PCDHGA2: variants seen among roughly 807,000 people sequenced by gnomAD.
The protein encoded by PCDHGA2 is protocadherin gamma subfamily A, 2, also known as protocadherin gamma-A2.
In PCDHGA2, 40 loss-of-function variants were observed where a neutral mutation model predicts 59.2. That is an observed-to-expected ratio of 0.68 (90% CI 0.52 to 0.88). PCDHGA2 has a LOEUF of 0.88. Ranked by LOEUF, PCDHGA2 falls within the 40% of genes least tolerant of loss-of-function variation. The pLI is 0.00. For synonymous variants in PCDHGA2, 560 were observed against 526.0 expected, an observed-to-expected ratio of 1.06 and a Z score of -0.89; for missense variants, 1,226 against 1,204.0, an observed-to-expected ratio of 1.02 and a Z score of -0.27.
intron 1 of PCDHGA2, chr5:141,391,541 G>T (rs2092385789): frequency 6.6e-6 from 1 of 152,056 alleles, no homozygotes; most frequent in South Asian, 2.1e-4. Flanking sequence ...GGTTTCCATT[G>T]TCTACCCAGT....
chr5:141,364,561 G>A (rs1763407213), intron 1 of PCDHGA2: 1 of 1,614,078 alleles, frequency 6.2e-7, no homozygotes. Flanking sequence ...TTTTTGCCCT[G>A]AACCCGCGAA....
intron 1 of PCDHGA2, chr5:141,441,917 A>G (rs979307331): frequency 3.1e-5 from 11 of 352,364 alleles, no homozygotes; most frequent in African/African-American, 2.0e-4. Context: ...GATGTGAGAC[A>G]CAATGCGTGG....
rs146719320 is a variant in PCDHGA2, at chr5:141,444,557, A to T, written c.2425-50250A>T. ...TGTGTCTAGTGAGCAAAAGGCACTTATTTGACACTTTTGACTCTTCCTTTC... is the reference window on the plus strand; with the variant it reads ...TGTGTCTAGTGAGCAAAAGGCACTTTTTTGACACTTTTGACTCTTCCTTTC... On this transcript the variant is annotated intron_variant, in intron 1 of 3. Transcript: ENST00000394576. Among the ~76,000 whole-genome samples, 1,352 of 152,248 alleles carry T rather than the reference A, an allele frequency of 8.9e-3. 18 individuals carry two copies. The highest frequency in any genetic ancestry group is 0.031 in the African/African-American group (1,277 of 41,558).
At position 141,400,246 on chromosome 5, in the gene PCDHGA2, G is replaced by T. The variant is rs373890751; in HGVS notation, c.2424+58851G>T. 4 of 1,613,986 alleles carry T rather than the reference G, an allele frequency of 2.5e-6. No individual in the cohort carries two copies. In the East Asian group the frequency reaches 6.7e-5, roughly 27 times the overall value. Reference sequence around the variant, plus strand: ...CTTCCTCCTGGCCGTGATTCTGGCCGTTGCCTTGCGCCTGCGACGCTCCTC... The same window carrying T: ...CTTCCTCCTGGCCGTGATTCTGGCCTTTGCCTTGCGCCTGCGACGCTCCTC... On this transcript the variant is annotated intron_variant, in intron 1 of 3. Transcript: ENST00000394576.
chr5:141,419,321 T>G, intron 1 of PCDHGA2: 1 of 1,613,950 alleles, frequency 6.2e-7, no homozygotes, highest in Non-Finnish European at 8.5e-7. Context: ...CGGCCGTGTC[T>G]CCTACTCTCT....
intron 1 of PCDHGA2, chr5:141,421,199 A>C (rs991814876): frequency 2.0e-6 from 3 of 1,514,716 alleles, no homozygotes; most frequent in Non-Finnish European, 2.6e-6. Context: ...CAGCTCGAGA[A>C]ACCGCGGAAT....
chr5:141,415,270 G>A (rs1044469814), intron 1 of PCDHGA2: 1 of 1,614,118 alleles, frequency 6.2e-7, no homozygotes, highest in Non-Finnish European at 8.5e-7. Flanking sequence ...GTACCTGGTG[G>A]TAGCGGTGGC....
At chr5:141,383,533 C>T (rs2240698) in intron 1 of PCDHGA2, 21,821 of 1,612,448 alleles carry the variant, frequency 0.014, 752 homozygotes, top group East Asian at 0.14. Flanking sequence ...CCACCTGGTC[C>T]TCACAGCCTC....
intron 1 of PCDHGA2, chr5:141,410,799 C>T: frequency 2.9e-5 from 16 of 560,592 alleles, no homozygotes; most frequent in South Asian, 8.0e-5. Context: ...ATAAGTTGCT[C>T]TATCTTTTTG....
At position 141,355,712 on chromosome 5, in the gene PCDHGA2, A is replaced by G. The variant is rs1759947132; in HGVS notation, c.2424+14317A>G. 13 of 1,613,928 alleles carry G rather than the reference A, an allele frequency of 8.1e-6. No individual in the cohort carries two copies. In the East Asian group the frequency reaches 2.7e-4, roughly 33 times the overall value. ...GGTGTAAACTCCCTGCAGGGTTACC[A>G]GCTCAACTCAAACGGTTACTTTTCC... is the stretch of plus-strand genomic sequence containing the variant. On this transcript the variant is annotated intron_variant, in intron 1 of 3. Coordinates refer to ENST00000394576, the MANE Select transcript of PCDHGA2 (RefSeq NM_018915.4).
rs1404447940 is a variant in PCDHGA2 at position 141,428,036 on chromosome 5, C to T, written c.2425-66771C>T. On this transcript the variant is annotated intron_variant, in intron 1 of 3. Transcript: ENST00000394576. ...TGCCACGCGCCGCAGAGTCCGGCTA[C>T]CTGGTGACCAAGGTGGTGGCGGTGG... The T allele has an allele frequency of 3.7e-6, 6 of 1,608,246 alleles. No homozygotes were observed. The African/African-American group carries it at 4.0e-5, about 11-fold the overall frequency.
At chr5:141,418,171 G>A (rs2096234086) in intron 1 of PCDHGA2, 1 of 1,613,952 alleles carries the variant, frequency 6.2e-7, no homozygotes, top group African/African-American at 1.3e-5. Flanking sequence ...GATGTGAGTT[G>A]CAATTGGAAG....
At position 141,356,877 on chromosome 5, in the gene PCDHGA2, C is replaced by G. The variant is rs1285670613; in HGVS notation, c.2424+15482C>G. ...TTGTGCTGGACCAGAACGACAATGTCCCTGAGATCCTGTACCCCACCTTCC... is the reference window on the plus strand; with the variant it reads ...TTGTGCTGGACCAGAACGACAATGTGCCTGAGATCCTGTACCCCACCTTCC... On this transcript the variant is annotated intron_variant, in intron 1 of 3. Transcript: ENST00000394576. 2.5e-6 allele frequency: 4 copies of G among 1,614,196 alleles called. No homozygotes were observed. In the South Asian group the frequency reaches 4.4e-5, roughly 18 times the overall value.
At chr5:141,345,059 C>T in intron 1 of PCDHGA2, 2 of 1,613,898 alleles carry the variant, frequency 1.2e-6, no homozygotes, top group Non-Finnish European at 1.7e-6. Flanking sequence ...ATGTGAATGA[C>T]AATGCTCCAG....
rs2099642802 is a variant in PCDHGA2, at chr5:141,487,311, CTAAG to C, written c.2425-7494_2425-7491del. The C allele has an allele frequency of 1.2e-6, 2 of 1,614,058 alleles. No individual in the cohort carries two copies. On this transcript the variant is annotated intron_variant, in intron 1 of 3. Coordinates refer to ENST00000394576, the MANE Select transcript of PCDHGA2 (RefSeq NM_018915.4). This position sits in a 1 kb window ranked among gnomAD's most constrained non-coding sequence, Gnocchi z 5.0. ...TTTGGCTCATTCGTGGCACTACTCTCTAAGTGTCTTCGTGGGGCAGCCTGTGGAG... is the reference window on the plus strand; with the variant it reads ...TTTGGCTCATTCGTGGCACTACTCTCTGTCTTCGTGGGGCAGCCTGTGGAG...
intron 1 of PCDHGA2, chr5:141,428,413 C>A: frequency 2.2e-6 from 1 of 461,904 alleles, no homozygotes; most frequent in Non-Finnish European, 4.0e-6. Context: ...TTGCTTTCAC[C>A]CTGGTCTCTG....
chr5:141,491,578 C>G lies in PCDHGA2; in HGVS notation c.2425-3229C>G, dbSNP rs1438933474. ...CCACTGCTACAGGACGTGCTTTTCA[C>G]CGGCCTCGGACGGCAGTGACTTCAC... On this transcript the variant is annotated intron_variant, in intron 1 of 3. Transcript: ENST00000394576. This position sits in a 1 kb window ranked among gnomAD's most constrained non-coding sequence, Gnocchi z 6.9. The G allele has an allele frequency of 1.9e-6, 3 of 1,614,006 alleles. No individual in the cohort carries two copies. Among genetic ancestry groups the G allele is most frequent in the Non-Finnish European group, 2.5e-6 (3 of 1,180,036 alleles).
chr5:141,503,130 C>A (rs1406819266), intron 2 of PCDHGA2, among the ~76,000 whole-genome samples: 1 of 151,980 alleles, frequency 6.6e-6, no homozygotes, highest in Non-Finnish European at 1.5e-5. Context: ...CCTCTGGTAG[C>A]CCCTGACACA....
At chr5:141,350,418 G>A (rs895622982) in intron 1 of PCDHGA2, 2 of 1,606,624 alleles carry the variant, frequency 1.2e-6, no homozygotes, top group Non-Finnish European at 1.7e-6. Context: ...AAGGATCTGG[G>A]GCTCAGTGTC....
Sources: allele counts gnomAD v4.1 joint callset (sites outside exome capture counted in the v4.1 genomes callset), GRCh38; gene constraint gnomAD v4.1.1; non-coding constraint Gnocchi (gnomAD v3.1); transcripts MANE v1.5; gene names NCBI Gene and HGNC (gene_info 2026-07-23, HGNC 2026-07-21).